Variants in CHD9 observed in about 807,000 individuals in gnomAD.
The protein encoded by CHD9 is chromodomain helicase DNA binding protein 9.
CHD9 carries 77 observed loss-of-function variants against 316.1 expected under a neutral mutation model. The observed-to-expected ratio is 0.24, with a 90% CI of 0.20 to 0.29. The LOEUF (loss-of-function observed/expected upper bound fraction) is 0.29, where lower values mean the gene tolerates loss of function less well. CHD9 is among the 10% of genes least tolerant of loss of function. CHD9 has a pLI of 1.00. For synonymous variants in CHD9, 1,129 were observed against 1,158.3 expected (o/e 0.97, Z 0.51); for missense variants, 2,763 against 3,438.1 (o/e 0.80, Z 4.91).
At chr16:53,153,267 T>C (rs941376400) in intron 1 of CHD9, among the ~76,000 whole-genome samples, 2 of 152,104 alleles carry the variant, frequency 1.3e-5, no homozygotes, top group Non-Finnish European at 2.9e-5. Context: ...ATTGAAAGGA[T>C]AATAAATGGG....
At chr16:53,249,831 T>C (rs756169755) in intron 16 of CHD9, 40 bp from the exon 17 acceptor site, 32 of 1,451,568 alleles carry the variant, frequency 2.2e-5, no homozygotes, top group African/African-American at 2.8e-5. Context: ...TCAGTTTTAT[T>C]ATACTTATTT....
intron 2 of CHD9, among the ~76,000 whole-genome samples, chr16:53,196,509 C>G (rs550513512): frequency 4.6e-5 from 7 of 152,278 alleles, no homozygotes; most frequent in South Asian, 2.1e-4. Flanking sequence ...TGAGGGTTTA[C>G]CTTATAATTC....
At chr16:53,172,785 C>T (rs1289154709) in intron 2 of CHD9, among the ~76,000 whole-genome samples, 1 of 152,116 alleles carries the variant, frequency 6.6e-6, no homozygotes, top group African/African-American at 2.4e-5. Context: ...TGATATTGAA[C>T]ATTTTTTTCA....
At chr16:53,133,693 A>T (rs1302824108) in intron 1 of CHD9, among the ~76,000 whole-genome samples, 3 of 152,224 alleles carry the variant, frequency 2.0e-5, no homozygotes. Flanking sequence ...ATATGAATAC[A>T]GATAGAAAAC....
intron 2 of CHD9, among the ~76,000 whole-genome samples, chr16:53,175,369 G>C (rs753250773): frequency 2.6e-5 from 4 of 152,108 alleles, no homozygotes; most frequent in Non-Finnish European, 4.4e-5. Context: ...CAGTAAGCTG[G>C]GGCAATAGTA....
chr16:53,304,236 C>G lies in CHD9; in HGVS notation c.6230C>G (p.Pro2077Arg). The change falls in exon 31 of 39, where the codon CCT becomes CGT. Residue 2077 changes from proline to arginine, a missense_variant. By Grantham distance (103) the Pro-to-Arg change is moderately radical. This residue lies in a region of CHD9 where 663 missense variants were observed against 751.2 expected (regional missense o/e 0.88). Transcript: ENST00000447540. ...ACCAGGACACTAATAAAATCTGAGC[C>G]TGTAAGTCCAAAGAATGGTGTTTTA... ...VETRTLIKSE[P>R]VSPKNGVLPQ... 1 of 1,610,966 alleles carries G rather than the reference C, an allele frequency of 6.2e-7. No individual in the cohort carries two copies. Among genetic ancestry groups the G allele is most frequent in the Admixed American group, 1.7e-5 (1 of 59,546 alleles).
chr16:53,071,386 T>C (rs1015467536), intron 1 of CHD9, among the ~76,000 whole-genome samples: 9 of 152,138 alleles, frequency 5.9e-5, no homozygotes, highest in Non-Finnish European at 1.2e-4. Flanking sequence ...GACAGTGTTA[T>C]ATAGAGTCAA....
intron 17 of CHD9, among the ~76,000 whole-genome samples, chr16:53,253,359 C>G (rs2152973533): frequency 6.6e-6 from 1 of 152,186 alleles, no homozygotes; most frequent in African/African-American, 2.4e-5. Flanking sequence ...AACCAAACAT[C>G]GTGTGTTCTC....
chr16:53,129,771 A>G (rs556907644), intron 1 of CHD9, among the ~76,000 whole-genome samples: 1 of 152,310 alleles, frequency 6.6e-6, no homozygotes, highest in South Asian at 2.1e-4. Context: ...ACGTTTTCAT[A>G]TGGGTTTTAA....
intron 16 of CHD9, 37 bp from the exon 17 acceptor site, chr16:53,249,834 A>C (rs2049983399): frequency 1.4e-6 from 2 of 1,466,514 alleles, no homozygotes; most frequent in African/African-American, 2.8e-5. Flanking sequence ...GTTTTATTAT[A>C]CTTATTTATG....
chr16:53,307,578 A>AT, intron 32 of CHD9, 103 bp from the exon 33 acceptor site: 1 of 972,700 alleles, frequency 1.0e-6, no homozygotes, highest in Non-Finnish European at 1.5e-6. Context: ...GCACATACAC[A>AT]TATGTTGAAC....
intron 1 of CHD9, among the ~76,000 whole-genome samples, chr16:53,106,068 C>T (rs557125130): frequency 1.4e-4 from 22 of 152,268 alleles, no homozygotes; most frequent in Non-Finnish European, 2.8e-4. Flanking sequence ...GATCTGCCCA[C>T]CTCAGCCTCC....
At chr16:53,243,401 C>T (rs1415247174) in intron 13 of CHD9, among the ~76,000 whole-genome samples, 1 of 152,186 alleles carries the variant, frequency 6.6e-6, no homozygotes, top group African/African-American at 2.4e-5. Context: ...GCAACCTCCA[C>T]CTCCCAGGTT....
rs1006626365 is a variant in CHD9, at chr16:53,314,314, A to T, written c.7223-63A>T. ...ACACTTTCATATATTTAGGAAAGGGATTACTTTCAGTTTGTTTAAGAACTA... is the reference window on the plus strand; with the variant it reads ...ACACTTTCATATATTTAGGAAAGGGTTTACTTTCAGTTTGTTTAAGAACTA... On this transcript the variant is annotated intron_variant, in intron 34 of 38. Coordinates refer to ENST00000447540, the MANE Select transcript of CHD9 (RefSeq NM_001308319.2). 5.9e-6 allele frequency: 7 copies of T among 1,179,724 alleles called. No individual in the cohort carries two copies. The East Asian group carries it at 1.1e-4, about 18-fold the overall frequency. 73.1% of individuals were successfully genotyped at this position (1,179,724 alleles called of 1,614,324 possible). A position where few individuals can be genotyped will look rare whatever the true frequency, so the allele number is the denominator to read the frequency against.
At chr16:53,267,879 C>G in intron 21 of CHD9, 48 bp from the exon 22 acceptor site, 1 of 1,508,234 alleles carries the variant, frequency 6.6e-7, no homozygotes, top group Non-Finnish European at 9.1e-7. Context: ...TAATATTTTT[C>G]TCTAGAACTT....
rs370065913 is a variant in CHD9, at chr16:53,114,143, A to G, written c.-164-41783A>G. 7.2e-5 allele frequency among the ~76,000 whole-genome samples: 11 copies of G among 152,116 alleles called. 1 individual carries two copies. Among genetic ancestry groups the G allele is most frequent in the East Asian group, 3.9e-4 (2 of 5,190 alleles). Reference sequence around the variant, plus strand: ...AAGGCCTTAAAGTTTAGAGTTTGCCATAACAAAAACATATGAACAAGCATT... The same window carrying G: ...AAGGCCTTAAAGTTTAGAGTTTGCCGTAACAAAAACATATGAACAAGCATT... On this transcript the variant is annotated intron_variant, in intron 1 of 38. Transcript: ENST00000447540.
chr16:53,301,004 C>T (rs141355572), intron 30 of CHD9, among the ~76,000 whole-genome samples: 1 of 151,956 alleles, frequency 6.6e-6, no homozygotes, highest in Non-Finnish European at 1.5e-5. Context: ...GCCTGGGAGG[C>T]GGAGGTTGCA....
chr16:53,109,946 A>G (rs1406143431), intron 1 of CHD9, among the ~76,000 whole-genome samples: 1 of 151,990 alleles, frequency 6.6e-6, no homozygotes, highest in South Asian at 2.1e-4. Flanking sequence ...GGCCTCCCAA[A>G]GTGCTGGGAT....
chr16:53,244,352 C>G (rs762595275), intron 13 of CHD9, among the ~76,000 whole-genome samples: 14 of 151,884 alleles, frequency 9.2e-5, no homozygotes, highest in Non-Finnish European at 1.9e-4. Flanking sequence ...ACCACCACGC[C>G]CGGCTAATTT....
Sources: gnomAD v4.1 joint callset for allele counts (sites outside exome capture counted in the v4.1 genomes callset) on GRCh38, gnomAD v4.1.1 for gene constraint, gnomAD v4.1.1 regional missense constraint, MANE v1.5 for transcripts, NCBI Gene and HGNC (gene_info 2026-07-23, HGNC 2026-07-21) for gene names.